The following VPS37A variants were observed in gnomAD, a reference collection of about 807,000 sequenced individuals.
VPS37A encodes VPS37A subunit of ESCRT-I.
VPS37A carries 30 observed loss-of-function variants against 49.8 expected under a neutral mutation model. That is an observed-to-expected ratio of 0.60 (90% confidence interval 0.45 to 0.82). The LOEUF (loss-of-function observed/expected upper bound fraction) is 0.82, where lower values mean the gene tolerates loss of function less well. Among genes scored for constraint, VPS37A ranks in the 40% least tolerant of loss-of-function variants. The pLI, the probability that VPS37A is intolerant of heterozygous loss-of-function variation, is 0.00. For synonymous variants in VPS37A, 195 were observed against 160.6 expected, an observed-to-expected ratio of 1.21 and a Z score of -1.62; for missense variants, 593 against 464.4, an observed-to-expected ratio of 1.28 and a Z score of -2.55.
chr8:17,265,884 T>A, intron 1 of VPS37A, 23 bp from the exon 2 acceptor site: 1 of 1,612,914 alleles, frequency 6.2e-7, no homozygotes, highest in Non-Finnish European at 8.5e-7. Context: ...TTTGGGTAAA[T>A]TTTTTAAAAT....
At chr8:17,330,209 G>C in the VPS37A span, among the ~76,000 whole-genome samples, 1 of 152,216 alleles carries the variant, frequency 6.6e-6, no homozygotes, top group Non-Finnish European at 1.5e-5. Context: ...AAGTAACTGA[G>C]AGCAAACGTG....
chr8:17,316,758 A>G, the VPS37A span, among the ~76,000 whole-genome samples: 1 of 152,338 alleles, frequency 6.6e-6, no homozygotes, highest in African/African-American at 2.4e-5. Context: ...CAAGTAATCT[A>G]GAGATGATTT....
At chr8:17,287,199 C>A (rs902297099) in intron 11 of VPS37A, among the ~76,000 whole-genome samples, 10 of 152,076 alleles carry the variant, frequency 6.6e-5, no homozygotes, top group Non-Finnish European at 1.3e-4. Context: ...CCCACCCCAA[C>A]AAACTTAAGT....
the VPS37A span, among the ~76,000 whole-genome samples, chr8:17,319,659 A>G: frequency 6.6e-6 from 1 of 152,216 alleles, no homozygotes; most frequent in Non-Finnish European, 1.5e-5. Flanking sequence ...ATTCTGAGGA[A>G]GGCACTTATT....
chr8:17,300,348 G>C (rs1817035206), downstream of VPS37A: 3 of 1,085,300 alleles, frequency 2.8e-6, no homozygotes, highest in South Asian at 3.4e-5. Context: ...TGACTCAGAG[G>C]GATGTGAGTT....
chr8:17,247,486 C>T, intron 1 of VPS37A, 117 bp downstream of exon 1: 1 of 1,402,220 alleles, frequency 7.1e-7, no homozygotes, highest in Non-Finnish European at 9.6e-7. Flanking sequence ...TGGTTTACCT[C>T]CCTTGGTTGT....
intron 6 of VPS37A, among the ~76,000 whole-genome samples, chr8:17,278,730 A>G (rs185962703): frequency 2.0e-5 from 3 of 152,186 alleles, no homozygotes; most frequent in African/African-American, 7.2e-5. Flanking sequence ...TGTCTTTAGG[A>G]TATGACATGC....
At chr8:17,262,135 T>C (rs1813015935) in intron 1 of VPS37A, among the ~76,000 whole-genome samples, 1 of 152,108 alleles carries the variant, frequency 6.6e-6, no homozygotes, top group South Asian at 2.1e-4. Context: ...ATCACAGGTA[T>C]GGAAGTCCGA....
chr8:17,275,439 T>G (rs903942352), intron 5 of VPS37A, among the ~76,000 whole-genome samples: 1 of 152,200 alleles, frequency 6.6e-6, no homozygotes, highest in African/African-American at 2.4e-5. Context: ...GCAGTAACAT[T>G]GTCAAAGACA....
chr8:17,277,692 G>A (rs1343909475), intron 6 of VPS37A, among the ~76,000 whole-genome samples: 2 of 151,660 alleles, frequency 1.3e-5, no homozygotes, highest in Admixed American at 6.6e-5. Context: ...CACAATTAAT[G>A]GTAATTCTTT....
the VPS37A span, chr8:17,309,213 A>T: frequency 1.8e-6 from 2 of 1,110,940 alleles, no homozygotes; most frequent in Non-Finnish European, 2.7e-6. Context: ...TAAATATTCA[A>T]TTGAAATTTT....
intron 1 of VPS37A, among the ~76,000 whole-genome samples, chr8:17,256,376 A>T (rs1349725736): frequency 2.3e-5 from 3 of 131,486 alleles, no homozygotes; most frequent in Admixed American, 9.4e-5. Context: ...GGGCTCAAGG[A>T]GTCCCACTTC....
chr8:17,274,261 A>C (rs73208562), intron 4 of VPS37A, among the ~76,000 whole-genome samples: 1 of 152,262 alleles, frequency 6.6e-6, no homozygotes, highest in Non-Finnish European at 1.5e-5. Flanking sequence ...GCTCATCTGC[A>C]TACTTAATTT....
the VPS37A span, among the ~76,000 whole-genome samples, chr8:17,310,408 A>T: frequency 1.3e-5 from 2 of 152,144 alleles, no homozygotes; most frequent in African/African-American, 4.8e-5. Flanking sequence ...GAACTAGTGG[A>T]AGTCTGTTCT....
chr8:17,253,178 G>C (rs1812132011), intron 1 of VPS37A, among the ~76,000 whole-genome samples: 1 of 152,054 alleles, frequency 6.6e-6, no homozygotes. Context: ...AGCTACATCT[G>C]CCCCTCCCCC....
chr8:17,299,932 C>T (rs762414331), downstream of VPS37A: 1 of 1,614,178 alleles, frequency 6.2e-7, no homozygotes, highest in South Asian at 1.1e-5. Context: ...TGCATGCTCA[C>T]CACCACTTGG....
chr8:17,307,354 T>C (rs1057279743), downstream of VPS37A, among the ~76,000 whole-genome samples: 1 of 152,188 alleles, frequency 6.6e-6, no homozygotes, highest in African/African-American at 2.4e-5. Context: ...TCACACCAGT[T>C]AGAATGGCGA....
chr8:17,315,735 G>C, the VPS37A span, among the ~76,000 whole-genome samples: 98 of 152,248 alleles, frequency 6.4e-4, no homozygotes, highest in African/African-American at 2.4e-3. Context: ...AAAAAGGCTG[G>C]GCACAGTGCC....
At position 17,247,015 on chromosome 8, in the gene VPS37A, A is replaced by G; in HGVS notation, c.-230A>G. ...TGGGCGTCTGGGCCGTGAAGGTGGG[A>G]CCTCCTGTTCCGGGCCGCAAGTTTC... On this transcript the variant is annotated 5_prime_UTR_variant, in exon 1 of 12. Coordinates refer to ENST00000324849, the MANE Select transcript of VPS37A (RefSeq NM_152415.3). 1 of 576,316 alleles carries G rather than the reference A, an allele frequency of 1.7e-6. No individual in the cohort carries two copies. The highest frequency in any genetic ancestry group is 2.0e-5 in the South Asian group (1 of 49,552). 35.7% of individuals were successfully genotyped at this position (576,316 alleles called of 1,614,324 possible). A position where few individuals can be genotyped will look rare whatever the true frequency, so the allele number is the denominator to read the frequency against.
Sources: allele counts gnomAD v4.1 joint callset (sites outside exome capture counted in the v4.1 genomes callset), GRCh38; gene constraint gnomAD v4.1.1; transcripts MANE v1.5; gene names NCBI Gene and HGNC (gene_info 2026-07-23, HGNC 2026-07-21).